Variants in DPH6 observed in about 807,000 individuals in gnomAD.
DPH6 encodes diphthamine biosynthesis 6.
A neutral mutation model predicts 38.2 loss-of-function variants in DPH6; 33 were observed. That is an observed-to-expected ratio of 0.86 (90% confidence interval 0.65 to 1.15). The LOEUF (loss-of-function observed/expected upper bound fraction) is 1.15, where lower values mean the gene tolerates loss of function less well. DPH6 is among the 50% of genes most tolerant of loss of function. The pLI is 0.00. For synonymous variants in DPH6, 108 were observed against 103.0 expected, an observed-to-expected ratio of 1.05 and a Z score of -0.30; for missense variants, 325 against 320.0, an observed-to-expected ratio of 1.02 and a Z score of -0.12.
chr15:35,371,975 TCGA>T lies in DPH6; in HGVS notation c.*172_*174del, dbSNP rs2052718329. 1 of 1,313,704 alleles carries T rather than the reference TCGA, an allele frequency of 7.6e-7. No individual in the cohort carries two copies. Among genetic ancestry groups the T allele is most frequent in the Non-Finnish European group, 9.7e-7 (1 of 1,028,678 alleles). 81.4% of individuals were successfully genotyped at this position (1,313,704 alleles called of 1,614,324 possible). A position where few individuals can be genotyped will look rare whatever the true frequency, so the allele number is the denominator to read the frequency against. ...GTTGGCACTATTAATGAACATGCCGTCGACATTTTCCCAATTAATAAATGGTTC... is the reference window on the plus strand; with the variant it reads ...GTTGGCACTATTAATGAACATGCCGTCATTTTCCCAATTAATAAATGGTTC... On this transcript the variant is annotated 3_prime_UTR_variant, in exon 9 of 9. Coordinates refer to ENST00000256538, the MANE Select transcript of DPH6 (RefSeq NM_080650.4).
chr15:35,423,701 T>G (rs1228953922), intron 5 of DPH6, among the ~76,000 whole-genome samples: 1 of 151,758 alleles, frequency 6.6e-6, no homozygotes, highest in African/African-American at 2.4e-5. Flanking sequence ...AAATCCATTT[T>G]GAGTTGAATA....
intron 7 of DPH6, among the ~76,000 whole-genome samples, chr15:35,379,405 T>C (rs1239533776): frequency 6.6e-6 from 1 of 152,204 alleles, no homozygotes; most frequent in Non-Finnish European, 1.5e-5. Context: ...ACATCAAATA[T>C]AACAGAAGTT....
chr15:35,226,069 GCCTGTGAATAGTCACTGCACT>G (rs1341469567), intron 3 of DPH6, among the ~76,000 whole-genome samples: 1 of 152,068 alleles, frequency 6.6e-6, no homozygotes, highest in African/African-American at 2.4e-5. Context: ...CGATGACAAT[GCCTGTGAATAGTCACTGCACT>G]CCAGCCTGGG....
chr15:35,472,384 G>T (rs2054209339), intron 3 of DPH6, among the ~76,000 whole-genome samples: 1 of 152,142 alleles, frequency 6.6e-6, no homozygotes, highest in African/African-American at 2.4e-5. Context: ...CTGTCCAATA[G>T]GAGCTGGAGA....
At chr15:35,524,411 A>C (rs1039896804) in intron 3 of DPH6, among the ~76,000 whole-genome samples, 3 of 152,112 alleles carry the variant, frequency 2.0e-5, no homozygotes, top group African/African-American at 7.2e-5. Flanking sequence ...TCCCTGACTT[A>C]ATAACCCTAA....
intron 3 of DPH6, chr15:35,521,556 T>C (rs1054637765): frequency 1.5e-5 from 18 of 1,224,988 alleles, no homozygotes; most frequent in Non-Finnish European, 1.6e-5. Flanking sequence ...TAAGAGAAAG[T>C]GTCATGAACT....
chr15:35,299,385 T>G (rs2052038356), intron 3 of DPH6: 12 of 871,228 alleles, frequency 1.4e-5, no homozygotes, highest in Non-Finnish European at 2.2e-5. Context: ...GTTTGAAGTT[T>G]TTGGACCAGC....
intron 3 of DPH6, among the ~76,000 whole-genome samples, chr15:35,303,177 G>T (rs188658109): frequency 2.0e-5 from 3 of 152,206 alleles, no homozygotes; most frequent in Admixed American, 2.0e-4. Context: ...CCATCATGAT[G>T]CTGTGGCAGG....
At chr15:35,408,011 T>C (rs2053317447) in intron 6 of DPH6, among the ~76,000 whole-genome samples, 1 of 151,974 alleles carries the variant, frequency 6.6e-6, no homozygotes, top group Non-Finnish European at 1.5e-5. Flanking sequence ...GGCAGGGCAA[T>C]GGTGGAAGTA....
intron 3 of DPH6, among the ~76,000 whole-genome samples, chr15:35,336,491 T>C (rs1389910746): frequency 6.6e-6 from 1 of 152,194 alleles, no homozygotes; most frequent in East Asian, 1.9e-4. Context: ...ATTCATCACG[T>C]AGTTCTTGTG....
At chr15:35,203,026 T>G in the DPH6 span, among the ~76,000 whole-genome samples, 40 of 151,898 alleles carry the variant, frequency 2.6e-4, no homozygotes, top group Middle Eastern at 0.01. Context: ...AAATCTGTTG[T>G]GGTACATAGC....
At chr15:35,259,073 A>AG (rs2051726519) in intron 3 of DPH6, among the ~76,000 whole-genome samples, 1 of 149,672 alleles carries the variant, frequency 6.7e-6, no homozygotes, top group Non-Finnish European at 1.5e-5. Flanking sequence ...TGAACCCAGG[A>AG]GGTGGAGGTT....
chr15:35,417,467 A>G (rs1425405110), intron 5 of DPH6, among the ~76,000 whole-genome samples: 1 of 151,942 alleles, frequency 6.6e-6, no homozygotes, highest in Non-Finnish European at 1.5e-5. Context: ...TATATTTCTC[A>G]ATAGACTTAC....
At chr15:35,459,681 G>T (rs1167292672) in intron 3 of DPH6, among the ~76,000 whole-genome samples, 1 of 152,194 alleles carries the variant, frequency 6.6e-6, no homozygotes, top group South Asian at 2.1e-4. Context: ...GAAGACACCG[G>T]GGGTACACCA....
intron 3 of DPH6, among the ~76,000 whole-genome samples, chr15:35,274,966 G>A (rs538968051): frequency 1.3e-4 from 20 of 151,906 alleles, no homozygotes; most frequent in African/African-American, 4.8e-4. Context: ...CCAGTCTGGA[G>A]TGCAGTGGCG....
intron 3 of DPH6, among the ~76,000 whole-genome samples, chr15:35,516,539 C>T (rs879393215): frequency 1.2e-4 from 19 of 152,052 alleles, no homozygotes; most frequent in African/African-American, 3.6e-4. Context: ...TAGAACAAAG[C>T]GGAGTCAAAC....
downstream of DPH6, among the ~76,000 whole-genome samples, chr15:35,329,599 G>A (rs1291037059): frequency 6.6e-6 from 1 of 152,160 alleles, no homozygotes; most frequent in Non-Finnish European, 1.5e-5. Context: ...AACAGGCAGA[G>A]AAGCCTGAGT....
At position 35,450,535 on chromosome 15, in the gene DPH6, T is replaced by G. The variant is rs2053918851; in HGVS notation, c.505+150A>C. 5 of 666,276 alleles carry G rather than the reference T, an allele frequency of 7.5e-6. No homozygotes were observed. In the South Asian group the frequency reaches 9.5e-5, roughly 13 times the overall value. The allele number at this position is 666,276 out of a possible 1,614,324, so 41.3% of individuals were successfully genotyped here. A position where few individuals can be genotyped will look rare whatever the true frequency, so the allele number is the denominator to read the frequency against. On this transcript the variant is annotated intron_variant, in intron 5 of 8. Transcript: ENST00000256538. ...CCACTTTAAAACTTCCTTTTCTTTATGCAAGGAAGGTGCTTACTCAATTTC... is the reference window on the plus strand; with the variant it reads ...CCACTTTAAAACTTCCTTTTCTTTAGGCAAGGAAGGTGCTTACTCAATTTC...
intron 3 of DPH6, among the ~76,000 whole-genome samples, chr15:35,482,342 C>A (rs1012412222): frequency 1.2e-4 from 18 of 152,252 alleles, no homozygotes; most frequent in African/African-American, 4.3e-4. Context: ...ATGTTGGAGT[C>A]ACCAGAAAGG....
Sources: allele counts gnomAD v4.1 joint callset (sites outside exome capture counted in the v4.1 genomes callset), GRCh38; gene constraint gnomAD v4.1.1; transcripts MANE v1.5; gene names NCBI Gene and HGNC (gene_info 2026-07-23, HGNC 2026-07-21).